DMBX1: variants seen among roughly 807,000 people sequenced by gnomAD.
The protein encoded by DMBX1 is diencephalon/mesencephalon homeobox protein 1.
A neutral mutation model predicts 30.4 loss-of-function variants in DMBX1; 7 were observed. The ratio of observed to expected loss-of-function variants is 0.23; its 90% CI spans 0.13 to 0.43. The LOEUF (loss-of-function observed/expected upper bound fraction) is 0.43, where lower values mean the gene tolerates loss of function less well. Among genes scored for constraint, DMBX1 ranks in the 20% least tolerant of loss-of-function variants. The pLI, the probability that DMBX1 is intolerant of heterozygous loss-of-function variation, is 1.00. For missense variants in DMBX1, 460 were observed against 508.5 expected, an observed-to-expected ratio of 0.90 and a Z score of 0.92; for synonymous variants, 222 against 214.2, an observed-to-expected ratio of 1.04 and a Z score of -0.32.
chr1:46,492,169 G>T (rs979653394), intron 2 of DMBX1, among the ~76,000 whole-genome samples: 10 of 152,232 alleles, frequency 6.6e-5, no homozygotes, highest in African/African-American at 1.4e-4. Flanking sequence ...AGGCCATGGC[G>T]AAGGACAAGC....
rs761306825 is a variant in DMBX1 at position 46,512,139 on chromosome 1, G to A, written c.779G>A (p.Arg260His). The change falls in exon 6 of 6, where the codon CGT becomes CAT. Residue 260 changes from arginine (R) to histidine (H), a missense_variant. Coordinates refer to ENST00000360032, the MANE Select transcript of DMBX1 (RefSeq NM_172225.2). This position sits in a 1 kb window ranked among gnomAD's most constrained non-coding sequence, Gnocchi z 4.8. The part of the protein sequence containing the change: ...SYSSSPLSLF[R>H]LQEQFRQHMA... The stretch of plus-strand genomic sequence containing the variant: ...TCCTCGTCCCCGCTGAGCCTCTTCC[G>A]TCTGCAGGAGCAATTCCGCCAGCAC... 8.7e-6 allele frequency: 14 copies of A among 1,613,882 alleles called. No individual in the cohort carries two copies. The highest frequency in any genetic ancestry group is 3.3e-5 in the South Asian group (3 of 91,088).
In DMBX1 at chr1:46,510,926, C is replaced by G. The variant is rs193114240; in HGVS notation, c.334-9C>G. The G allele has an allele frequency of 3.2e-6, 5 of 1,586,916 alleles. No individual in the cohort carries two copies. The highest frequency in any genetic ancestry group is 8.6e-7 in the Non-Finnish European group (1 of 1,165,570). On this transcript the variant is annotated splice_polypyrimidine_tract_variant and intron_variant, in intron 4 of 5. Coordinates refer to ENST00000360032, the MANE Select transcript of DMBX1 (RefSeq NM_172225.2). The surrounding 1 kb of genome is among the most constrained non-coding windows in gnomAD (Gnocchi z 4.1). ...TGCCCACCTCGGACTGCTCCTTTCC[C>G]GTCCCCAGGTGTGGTTCAAGAACCG...
At chr1:46,503,920 A>G (rs1666181821) in intron 2 of DMBX1, among the ~76,000 whole-genome samples, 1 of 152,194 alleles carries the variant, frequency 6.6e-6, no homozygotes. Flanking sequence ...GAGGGTCCGG[A>G]TGGGACCTTG....
intron 3 of DMBX1, among the ~76,000 whole-genome samples, chr1:46,507,860 C>T: frequency 6.6e-6 from 1 of 152,166 alleles, no homozygotes. Context: ...ATGCCCATCC[C>T]CTAGGGTGGT....
At chr1:46,500,036 G>C (rs909195121) in intron 2 of DMBX1, among the ~76,000 whole-genome samples, 1 of 152,182 alleles carries the variant, frequency 6.6e-6, no homozygotes, top group Non-Finnish European at 1.5e-5. Flanking sequence ...GCTCAGTTGA[G>C]CTAGGCCTTA....
At chr1:46,508,561 G>C (rs1410779580) in intron 3 of DMBX1, among the ~76,000 whole-genome samples, 1 of 152,164 alleles carries the variant, frequency 6.6e-6, no homozygotes, top group Non-Finnish European at 1.5e-5. Context: ...TGCACAACCT[G>C]GTGGTGACAT....
intron 5 of DMBX1, among the ~76,000 whole-genome samples, chr1:46,511,816 G>A (rs1237432347): frequency 6.6e-6 from 1 of 152,200 alleles, no homozygotes; most frequent in Non-Finnish European, 1.5e-5. Context: ...GACAGACGTG[G>A]GGGCCTTGGC....
In DMBX1 at chr1:46,513,687, G is replaced by A. The variant is rs1666432617; in HGVS notation, c.*1193G>A. 6.6e-6 allele frequency: 1 copy of A among 152,330 alleles called. No individual in the cohort carries two copies. Among genetic ancestry groups the A allele is most frequent in the Non-Finnish European group, 1.5e-5 (1 of 68,114 alleles). The allele number at this position is 152,330 out of a possible 1,614,324, so 9.4% of individuals were successfully genotyped here. Reference sequence around the variant, plus strand: ...CTGGTGCTCTTCTCCCACAAGCTGAGCCTCCACGTTCAGCAGATACTGTCC... The same window carrying A: ...CTGGTGCTCTTCTCCCACAAGCTGAACCTCCACGTTCAGCAGATACTGTCC... On this transcript the variant is annotated 3_prime_UTR_variant, in exon 6 of 6. Transcript: ENST00000360032.
chr1:46,509,345 G>A (rs938756007), intron 3 of DMBX1, among the ~76,000 whole-genome samples: 2 of 152,160 alleles, frequency 1.3e-5, no homozygotes, highest in Admixed American at 6.5e-5. Flanking sequence ...GATTACAGGC[G>A]TGAGCCACTG....
At position 46,514,227 on chromosome 1, in the gene DMBX1, A is replaced by AT. The variant is rs58737621; in HGVS notation, c.*1733_*1734insT. ...GACTCCATCTCAAAAAAAAAAAAAA[A>AT]ATAAATAAAAGCTGTGTGACCTTGG... is the stretch of plus-strand genomic sequence containing the variant. On this transcript the variant is annotated 3_prime_UTR_variant, in exon 6 of 6. Transcript: ENST00000360032. 1.8e-3 allele frequency: 186 copies of AT among 105,150 alleles called. No individual in the cohort carries two copies. Among genetic ancestry groups the AT allele is most frequent in the Admixed American group, 3.5e-3 (34 of 9,628 alleles). The allele number at this position is 105,150 out of a possible 1,614,324, so 6.5% of individuals were successfully genotyped here.
At chr1:46,511,622 T>C (rs1666373983) in intron 5 of DMBX1, among the ~76,000 whole-genome samples, 1 of 152,164 alleles carries the variant, frequency 6.6e-6, no homozygotes, top group Non-Finnish European at 1.5e-5. Context: ...GATTCCCACG[T>C]GCAGCAGAGA....
Position 46,506,381 on chromosome 1 carries a change from A to T in DMBX1, c.-12-618A>T, listed in dbSNP as rs368397754. Among the ~76,000 whole-genome samples, 35 of 152,346 alleles carry T rather than the reference A, an allele frequency of 2.3e-4. 4 individuals are homozygous for T. Among genetic ancestry groups the T allele is most frequent in the African/African-American group, 8.4e-4 (35 of 41,590 alleles). The stretch of plus-strand genomic sequence containing the variant: ...CCCTGGGTTTATCTCATTTCAAAGC[A>T]AATGCCTCAGTGGGCAGTCTAGCTC... On this transcript the variant is annotated intron_variant, in intron 2 of 5. Transcript: ENST00000360032.
In DMBX1 at chr1:46,510,107, T is replaced by C. The variant is rs1324223051; in HGVS notation, c.155-369T>C. On this transcript the variant is annotated intron_variant, in intron 3 of 5. Transcript: ENST00000360032. The surrounding 1 kb of genome is among the most constrained non-coding windows in gnomAD (Gnocchi z 4.1). ...CTATAGGGTCTTAGAACTCCTGTGA[T>C]ATGGACTTACAGATTATTAGCATCA... is the stretch of plus-strand genomic sequence containing the variant. Among the ~76,000 whole-genome samples, 1 of 152,216 alleles carries C rather than the reference T, an allele frequency of 6.6e-6. No individual in the cohort carries two copies. The highest frequency in any genetic ancestry group is 6.5e-5 in the Admixed American group (1 of 15,286).
At chr1:46,503,042 G>A (rs1232180933) in intron 2 of DMBX1, among the ~76,000 whole-genome samples, 1 of 152,236 alleles carries the variant, frequency 6.6e-6, no homozygotes, top group Non-Finnish European at 1.5e-5. Flanking sequence ...GAGCCCTCTG[G>A]CTAGCGGCCC....
At chr1:46,503,146 A>T (rs1666169520) in intron 2 of DMBX1, among the ~76,000 whole-genome samples, 1 of 152,198 alleles carries the variant, frequency 6.6e-6, no homozygotes, top group African/African-American at 2.4e-5. Flanking sequence ...AAGCTTGTCT[A>T]TGCCTCAGGG....
Position 46,512,112 on chromosome 1 carries a change from A to G in DMBX1, c.752A>G (p.Tyr251Cys), listed in dbSNP as rs1338198413. Reference protein sequence around the residue: ...GGGLLGPSHSYSSSPLSLFRL... With the variant: ...GGGLLGPSHSCSSSPLSLFRL... ...GGCCTCCTGGGCCCCTCCCACTCCT[A>G]TTCCTCGTCCCCGCTGAGCCTCTTC... is the stretch of plus-strand genomic sequence containing the variant. The change falls in exon 6 of 6, where the codon TAT becomes TGT. Residue 251 changes from tyrosine to cysteine, a missense_variant. Physicochemically the swap from Tyr to Cys is radical, Grantham distance 194. Transcript: ENST00000360032. The surrounding 1 kb of genome is among the most constrained non-coding windows in gnomAD (Gnocchi z 4.8). 11 of 1,613,420 alleles carry G rather than the reference A, an allele frequency of 6.8e-6. No individual in the cohort carries two copies. The highest frequency in any genetic ancestry group is 2.2e-5 in the East Asian group (1 of 44,848).
chr1:46,492,280 C>T (rs539612204), intron 2 of DMBX1, among the ~76,000 whole-genome samples: 49 of 152,382 alleles, frequency 3.2e-4, no homozygotes, highest in African/African-American at 1.2e-3. Context: ...CTGTCCTAGC[C>T]ACTTTCACAT....
At chr1:46,490,289 G>A (rs1280644349) in intron 1 of DMBX1, among the ~76,000 whole-genome samples, 1 of 152,198 alleles carries the variant, frequency 6.6e-6, no homozygotes, top group Non-Finnish European at 1.5e-5. Context: ...CCGCGGAGAC[G>A]CAGGCACCCG....
intron 2 of DMBX1, among the ~76,000 whole-genome samples, chr1:46,500,535 C>T (rs1570571): frequency 0.074 from 11,013 of 148,192 alleles, 985 homozygotes; most frequent in African/African-American, 0.21. Context: ...GTGGATACCT[C>T]CCCCCAGCCC....
Sources: allele counts gnomAD v4.1 joint callset (sites outside exome capture counted in the v4.1 genomes callset), GRCh38; gene constraint gnomAD v4.1.1; non-coding constraint Gnocchi (gnomAD v3.1); transcripts MANE v1.5; gene names NCBI Gene and HGNC (gene_info 2026-07-23, HGNC 2026-07-21).